XPO7: variants seen among roughly 807,000 people sequenced by gnomAD.
XPO7 encodes the protein exportin 7, also known as exportin-7.
Under a neutral mutation model 144.3 loss-of-function variants are expected in XPO7, and 21 were observed. The observed-to-expected ratio is 0.15, with a 90% CI of 0.10 to 0.21. The LOEUF (loss-of-function observed/expected upper bound fraction) is 0.21, where lower values mean the gene tolerates loss of function less well. Among genes scored for constraint, XPO7 ranks in the 10% least tolerant of loss-of-function variants. XPO7 has a pLI of 1.00. For missense variants in XPO7, 808 were observed against 1,325.8 expected (o/e 0.61, Z 6.06); for synonymous variants, 580 against 499.6 (o/e 1.16, Z -2.15).
At chr8:21,949,906 G>A (rs1381979583) in intron 1 of XPO7, among the ~76,000 whole-genome samples, 2 of 152,198 alleles carry the variant, frequency 1.3e-5, no homozygotes, top group African/African-American at 4.8e-5. Flanking sequence ...TGTATTTTTA[G>A]TAGAGACAGG....
At chr8:21,976,334 C>T in intron 6 of XPO7, 22 bp from the exon 7 acceptor site, 4 of 1,608,828 alleles carry the variant, frequency 2.5e-6, no homozygotes, top group African/African-American at 1.3e-5. Context: ...TTTGGGGACT[C>T]ATTATGTGGT....
At position 21,987,291 on chromosome 8, in the gene XPO7, A is replaced by G. The variant is rs779083674; in HGVS notation, c.1713+15A>G. 49 of 1,613,828 alleles carry G rather than the reference A, an allele frequency of 3.0e-5. No individual in the cohort carries two copies. The highest frequency in any genetic ancestry group is 1.2e-4 in the South Asian group (11 of 91,090). On this transcript the variant is annotated intron_variant, in intron 14 of 27. Coordinates refer to ENST00000252512, the MANE Select transcript of XPO7 (RefSeq NM_015024.5). ...AATCCTCTAAGGTAACAGCCTCTCA[A>G]TTGGCTCCCCTTAGTTCTCACTTCT... is the stretch of plus-strand genomic sequence containing the variant.
chr8:21,990,951 TC>T (rs1359332558), intron 18 of XPO7, 32 bp downstream of exon 18: 23 of 1,593,704 alleles, frequency 1.4e-5, no homozygotes, highest in Non-Finnish European at 2.0e-5. Context: ...GCTCATGAAG[TC>T]ATCTGGCACT....
At position 21,995,496 on chromosome 8, in the gene XPO7, C is replaced by T. The variant is rs1196870862; in HGVS notation, c.2242C>T (p.Pro748Ser). Reference sequence around the variant, plus strand: ...TCCTTAGCTTCTCATTTACAGATATCCATCCTATATGCCAATTCTCCAACG... The same window carrying T: ...TCCTTAGCTTCTCATTTACAGATATTCATCCTATATGCCAATTCTCCAACG... ...SFMMLFEWIYPSYMPILQRAI... is the reference protein window; with the variant it reads ...SFMMLFEWIYSSYMPILQRAI... The change falls in exon 21 of 28, where the codon CCA becomes TCA. Residue 748 changes from proline to serine, a missense_variant. Pro to Ser is a moderately conservative substitution (Grantham distance 74). Transcript: ENST00000252512. 6.2e-7 allele frequency: 1 copy of T among 1,604,712 alleles called. No homozygotes were observed. The highest frequency in any genetic ancestry group is 2.2e-5 in the East Asian group (1 of 44,772).
chr8:21,991,784 C>A, intron 18 of XPO7, 84 bp from the exon 19 acceptor site: 3 of 1,091,510 alleles, frequency 2.7e-6, no homozygotes, highest in Non-Finnish European at 3.8e-6. Flanking sequence ...CCTGGGTTTG[C>A]TCCTCTTTCA....
chr8:21,934,662 A>C (rs886535175), intron 1 of XPO7, among the ~76,000 whole-genome samples: 3 of 152,240 alleles, frequency 2.0e-5, no homozygotes, highest in African/African-American at 7.2e-5. Context: ...CTGAGGAGAC[A>C]AAGACGTGGA....
At chr8:21,983,280 A>G (rs1812465555) in intron 11 of XPO7, among the ~76,000 whole-genome samples, 1 of 152,262 alleles carries the variant, frequency 6.6e-6, no homozygotes, top group South Asian at 2.1e-4. Context: ...ATTGCTTTAC[A>G]TTCATACATG....
intron 17 of XPO7, 42 bp from the exon 18 acceptor site, chr8:21,990,765 TCTAA>T (rs750992153): frequency 7.6e-6 from 12 of 1,586,734 alleles, no homozygotes; most frequent in Middle Eastern, 1.7e-4. Context: ...GCATTCTGCC[TCTAA>T]CTCATGTTTT....
intron 1 of XPO7, among the ~76,000 whole-genome samples, chr8:21,947,075 T>A (rs1224736649): frequency 6.6e-6 from 1 of 152,308 alleles, no homozygotes; most frequent in East Asian, 1.9e-4. Context: ...ATAGAAGTGT[T>A]TGGTTATGAA....
intron 1 of XPO7, among the ~76,000 whole-genome samples, chr8:21,926,390 C>T (rs1810459701): frequency 6.6e-6 from 1 of 152,078 alleles, no homozygotes; most frequent in South Asian, 2.1e-4. Flanking sequence ...TTTTGCTAGA[C>T]ATTTGCCCTA....
intron 1 of XPO7, among the ~76,000 whole-genome samples, chr8:21,932,116 C>T (rs1468622056): frequency 2.0e-5 from 3 of 152,116 alleles, no homozygotes; most frequent in Non-Finnish European, 4.4e-5. Flanking sequence ...TCAGGTGATC[C>T]GCACGCCTCC....
rs574666153 is a variant in XPO7, at chr8:21,946,575, A to G, written c.19-20282A>G. 2.1e-3 allele frequency among the ~76,000 whole-genome samples: 171 copies of G among 80,544 alleles called. 2 individuals are homozygous for G. The highest frequency in any genetic ancestry group is 9.8e-3 in the African/African-American group (160 of 16,260). 52.8% of individuals were successfully genotyped at this position (80,544 alleles called of 152,430 possible). A position where few individuals can be genotyped will look rare whatever the true frequency, so the allele number is the denominator to read the frequency against. ...TAGAGGAGAGGCTTTTCTAGAACTG[A>G]AAAAAAAAAACAAAAAAAAAAAACA... On this transcript the variant is annotated intron_variant, in intron 1 of 27. Transcript: ENST00000252512.
rs1280648720 is a variant in XPO7, at chr8:22,002,137, C to T, written c.2808C>T (p.Cys936=). The T allele has an allele frequency of 6.2e-7, 1 of 1,611,408 alleles. No individual in the cohort carries two copies. The highest frequency in any genetic ancestry group is 8.5e-7 in the Non-Finnish European group (1 of 1,178,820). Residue 936 remains cysteine (C), a synonymous_variant, in exon 25 of 28, where the codon TGC becomes TGT. Transcript: ENST00000252512. ...ACACCATGGTATGCACAGGCTGCTGCTCCTGCCTGGACCACATTGTGACAT... is the reference window on the plus strand; with the variant it reads ...ACACCATGGTATGCACAGGCTGCTGTTCCTGCCTGGACCACATTGTGACAT... ...ALDTMVCTGC[C]SCLDHIVTYL...
chr8:21,989,829 T>A (rs1250402373), intron 16 of XPO7, among the ~76,000 whole-genome samples: 1 of 35,034 alleles, frequency 2.9e-5, no homozygotes, highest in Non-Finnish European at 5.0e-5. Flanking sequence ...TCCTTTTTTT[T>A]TTTTTTTTTT....
intron 1 of XPO7, among the ~76,000 whole-genome samples, chr8:21,946,825 T>G (rs1811210313): frequency 6.6e-6 from 1 of 151,654 alleles, no homozygotes; most frequent in Non-Finnish European, 1.5e-5. Context: ...ACAAAACATC[T>G]TATCAGAAAG....
chr8:21,970,034 G>A (rs1379976497), intron 3 of XPO7, 110 bp from the exon 4 acceptor site: 1 of 1,279,116 alleles, frequency 7.8e-7, no homozygotes, highest in Non-Finnish European at 1.1e-6. Context: ...GGGTTAAATA[G>A]TCTAAATTTA....
intron 24 of XPO7, among the ~76,000 whole-genome samples, chr8:22,000,706 G>T (rs1179204921): frequency 1.3e-5 from 2 of 152,060 alleles, no homozygotes; most frequent in East Asian, 1.9e-4. Flanking sequence ...GCCTGGCTTG[G>T]CCTCCCAAAA....
At chr8:21,987,713 G>A in intron 14 of XPO7, 71 bp from the exon 15 acceptor site, 1 of 1,549,314 alleles carries the variant, frequency 6.5e-7, no homozygotes, top group Non-Finnish European at 8.9e-7. Flanking sequence ...CCATGAGTGT[G>A]GACAAAAATA....
intron 1 of XPO7, among the ~76,000 whole-genome samples, chr8:21,920,932 G>T (rs150338648): frequency 1.5e-3 from 230 of 152,252 alleles, no homozygotes; most frequent in Non-Finnish European, 2.3e-3. Flanking sequence ...TGTGACTTCT[G>T]CCCCTTTCTT....
Sources: gnomAD v4.1 joint callset for allele counts (sites outside exome capture counted in the v4.1 genomes callset) on GRCh38, gnomAD v4.1.1 for gene constraint, MANE v1.5 for transcripts, NCBI Gene and HGNC (gene_info 2026-07-23, HGNC 2026-07-21) for gene names.